KCNAB1: variants seen among roughly 807,000 people sequenced by gnomAD.
KCNAB1 encodes potassium voltage-gated channel subfamily A regulatory beta subunit 1.
KCNAB1 carries 35 observed loss-of-function variants against 64.6 expected under a neutral mutation model. The ratio of observed to expected loss-of-function variants is 0.54; its 90% CI spans 0.41 to 0.72. KCNAB1 has a LOEUF of 0.72. Ranked by LOEUF, KCNAB1 falls within the 30% of genes least tolerant of loss-of-function variation. KCNAB1 has a pLI of 0.00. For synonymous variants in KCNAB1, 177 were observed against 183.8 expected (o/e 0.96, Z 0.30); for missense variants, 401 against 512.9 (o/e 0.78, Z 2.11).
intron 1 of KCNAB1, among the ~76,000 whole-genome samples, chr3:156,148,405 T>G (rs1373498443): frequency 6.6e-6 from 1 of 152,228 alleles, no homozygotes; most frequent in African/African-American, 2.4e-5. Flanking sequence ...TGTTGCTTGA[T>G]TGAGGTGCAT....
intron 1 of KCNAB1, among the ~76,000 whole-genome samples, chr3:156,419,757 A>T (rs892549811): frequency 2.0e-5 from 3 of 152,206 alleles, no homozygotes; most frequent in African/African-American, 7.2e-5. Flanking sequence ...CTGGAATTAC[A>T]TGTTGGTTTT....
rs113565664 is a variant in KCNAB1, at chr3:156,524,475, C to T, written c.1081+528C>T. On this transcript the variant is annotated intron_variant, in intron 12 of 13. Transcript: ENST00000490337. ...ATTGAAAACCACACGCGGCTGGGCA[C>T]GGTGGCTCATGCCTGTAATCCCAGC... is the stretch of plus-strand genomic sequence containing the variant. Among the ~76,000 whole-genome samples the T allele has an allele frequency of 5.4e-4, 82 of 152,246 alleles. 2 individuals carry two copies. The highest frequency in any genetic ancestry group is 1.9e-3 in the African/African-American group (77 of 41,532).
chr3:156,304,790 G>C (rs904304101), intron 1 of KCNAB1, among the ~76,000 whole-genome samples: 6 of 152,204 alleles, frequency 3.9e-5, no homozygotes, highest in Non-Finnish European at 8.8e-5. Context: ...GGCAGTTCAA[G>C]CTATTAGAAA....
At chr3:156,158,179 AAAATAAATAAAT>A (rs58622682) in intron 1 of KCNAB1, among the ~76,000 whole-genome samples, 52 of 60,670 alleles carry the variant, frequency 8.6e-4, no homozygotes, top group Middle Eastern at 0.012. Context: ...AAAAAAATAA[AAAATAAATAAAT>A]AAATAAATAA....
intron 1 of KCNAB1, among the ~76,000 whole-genome samples, chr3:156,343,553 C>T (rs964128184): frequency 2.6e-5 from 4 of 152,176 alleles, no homozygotes; most frequent in South Asian, 2.1e-4. Context: ...TTTCAGCCTC[C>T]GCAGCTTGTG....
intron 1 of KCNAB1, among the ~76,000 whole-genome samples, chr3:156,292,983 G>A (rs1441582313): frequency 6.6e-6 from 1 of 152,208 alleles, no homozygotes; most frequent in Non-Finnish European, 1.5e-5. Context: ...GAAATTAAAT[G>A]TAGACCTTGT....
chr3:156,201,675 C>T (rs1325012124), intron 1 of KCNAB1, among the ~76,000 whole-genome samples: 2 of 152,210 alleles, frequency 1.3e-5, no homozygotes, highest in South Asian at 2.1e-4. Flanking sequence ...GTGCAGTGCA[C>T]TCATGCCGGC....
intron 12 of KCNAB1, among the ~76,000 whole-genome samples, chr3:156,527,456 G>A (rs562916998): frequency 2.0e-5 from 3 of 152,276 alleles, no homozygotes; most frequent in Admixed American, 1.3e-4. Context: ...GTAATATGCA[G>A]AGAAACATAT....
chr3:156,213,992 G>A (rs1465260794), intron 1 of KCNAB1, among the ~76,000 whole-genome samples: 1 of 152,074 alleles, frequency 6.6e-6, no homozygotes, highest in African/African-American at 2.4e-5. Context: ...ACGTGATGAA[G>A]CCTCCTTAAA....
At chr3:156,192,974 G>A (rs1713654671) in intron 1 of KCNAB1, among the ~76,000 whole-genome samples, 1 of 152,000 alleles carries the variant, frequency 6.6e-6, no homozygotes. Context: ...TTAATTAAAT[G>A]TAAATTAATT....
chr3:156,386,599 C>A (rs9840678), intron 1 of KCNAB1, among the ~76,000 whole-genome samples: 1 of 152,266 alleles, frequency 6.6e-6, no homozygotes, highest in Non-Finnish European at 1.5e-5. Flanking sequence ...AACCATCACC[C>A]GACATTCCTA....
At chr3:156,269,306 C>T (rs1356868589) in intron 1 of KCNAB1, among the ~76,000 whole-genome samples, 3 of 152,070 alleles carry the variant, frequency 2.0e-5, no homozygotes, top group Non-Finnish European at 4.4e-5. Context: ...TCCAAAATTC[C>T]TCTTGTTGTT....
chr3:156,304,744 C>G (rs149572279), intron 1 of KCNAB1, among the ~76,000 whole-genome samples: 1 of 152,134 alleles, frequency 6.6e-6, no homozygotes, highest in Non-Finnish European at 1.5e-5. Context: ...CAGAGGCTAA[C>G]GGAAGGTTCA....
chr3:156,325,935 A>G (rs1468708570), intron 1 of KCNAB1, among the ~76,000 whole-genome samples: 2 of 152,222 alleles, frequency 1.3e-5, no homozygotes, highest in South Asian at 4.1e-4. Flanking sequence ...GGGTTTACAA[A>G]AAGGATACCC....
intron 1 of KCNAB1, among the ~76,000 whole-genome samples, chr3:156,412,028 T>G (rs1442748339): frequency 6.6e-6 from 1 of 152,184 alleles, no homozygotes; most frequent in Non-Finnish European, 1.5e-5. Flanking sequence ...TGCCTCTCTA[T>G]TTAGTTAGGT....
intron 8 of KCNAB1, among the ~76,000 whole-genome samples, chr3:156,499,338 G>A (rs1380875278): frequency 6.6e-6 from 1 of 152,162 alleles, no homozygotes; most frequent in African/African-American, 2.4e-5. Context: ...AATGTGAAAA[G>A]ACTATTGATA....
At chr3:156,212,009 G>A (rs1546229) in intron 1 of KCNAB1, among the ~76,000 whole-genome samples, 84,094 of 151,980 alleles carry the variant, frequency 0.55, 24,204 homozygotes, top group East Asian at 0.9. Flanking sequence ...TTGTCCTCCA[G>A]ATTTCAGGTA....
At chr3:156,513,069 G>A (rs540887235) in intron 8 of KCNAB1, among the ~76,000 whole-genome samples, 272 of 152,294 alleles carry the variant, frequency 1.8e-3, no homozygotes, top group Non-Finnish European at 2.7e-3. Context: ...AAAGTTAGCC[G>A]GGTGTGGTGG....
At chr3:156,453,679 C>T (rs1415182337) in intron 3 of KCNAB1, among the ~76,000 whole-genome samples, 1 of 152,140 alleles carries the variant, frequency 6.6e-6, no homozygotes, top group African/African-American at 2.4e-5. Context: ...GGTATGCAGG[C>T]ATTGAGCACC....
Sources: gnomAD v4.1 joint callset for allele counts (sites outside exome capture counted in the v4.1 genomes callset) on GRCh38, gnomAD v4.1.1 for gene constraint, MANE v1.5 for transcripts, NCBI Gene and HGNC (gene_info 2026-07-23, HGNC 2026-07-21) for gene names.